SMURF1: variants seen among roughly 807,000 people sequenced by gnomAD.
The protein encoded by SMURF1 is E3 ubiquitin-protein ligase SMURF1.
A neutral mutation model predicts 98.0 loss-of-function variants in SMURF1; 44 were observed. That is an observed-to-expected ratio of 0.45 (90% CI 0.35 to 0.58). SMURF1 has a LOEUF of 0.58. Ranked by LOEUF, SMURF1 falls within the 20% of genes least tolerant of loss-of-function variation. SMURF1 has a pLI of 0.00. For missense variants in SMURF1, 687 were observed against 938.4 expected (o/e 0.73, Z 3.50); for synonymous variants, 396 against 374.9 (o/e 1.06, Z -0.65).
chr7:99,111,598 T>C (rs1388980359), intron 1 of SMURF1, among the ~76,000 whole-genome samples: 1 of 152,208 alleles, frequency 6.6e-6, no homozygotes. Flanking sequence ...GAATCAACTG[T>C]TTCAGAACAC....
intron 1 of SMURF1, among the ~76,000 whole-genome samples, chr7:99,072,283 G>A (rs1179786624): frequency 1.3e-5 from 2 of 152,076 alleles, no homozygotes; most frequent in South Asian, 2.1e-4. Flanking sequence ...TCAGCCTCCC[G>A]GAGTGCTGGA....
rs541939305 is a variant in SMURF1, at chr7:99,027,806, G to A, written c.*2778C>T. The A allele has an allele frequency of 2.6e-5, 4 of 152,600 alleles. No homozygotes were observed. The highest frequency in any genetic ancestry group is 9.6e-5 in the African/African-American group (4 of 41,592). The allele number at this position is 152,600 out of a possible 1,614,324, so 9.5% of individuals were successfully genotyped here. On this transcript the variant is annotated 3_prime_UTR_variant, in exon 18 of 18. Coordinates refer to ENST00000361368, the MANE Select transcript of SMURF1 (RefSeq NM_181349.3). ...TGGCACACACCTGGCTGCAGATGGC[G>A]GGTGGGGGGACATTTTCTCTGCAGA...
intron 15 of SMURF1, chr7:99,036,599 G>C (rs1795153015): frequency 6.2e-6 from 1 of 162,014 alleles, no homozygotes. Flanking sequence ...TACACGGCTT[G>C]AGCTATTTGG....
At chr7:99,064,263 A>T (rs1796136216) in intron 1 of SMURF1, among the ~76,000 whole-genome samples, 1 of 152,156 alleles carries the variant, frequency 6.6e-6, no homozygotes, top group Admixed American at 6.6e-5. Context: ...TTGGTATCAG[A>T]GTGATACTGG....
At chr7:99,063,244 TATA>T (rs1796086361) in intron 1 of SMURF1, among the ~76,000 whole-genome samples, 247 of 14,470 alleles carry the variant, frequency 0.017, 28 homozygotes, top group Non-Finnish European at 0.02. Flanking sequence ...GATTTATTTA[TATA>T]TATATATATA....
chr7:99,106,064 C>T (rs961669448), intron 1 of SMURF1, among the ~76,000 whole-genome samples: 1 of 152,244 alleles, frequency 6.6e-6, no homozygotes, highest in Non-Finnish European at 1.5e-5. Context: ...TGCCTCTCTC[C>T]ATACTTCTGT....
chr7:99,049,806 G>A (rs1795700586), intron 8 of SMURF1, 97 bp from the exon 9 acceptor site: 3 of 1,220,316 alleles, frequency 2.5e-6, no homozygotes, highest in African/African-American at 1.5e-5. Flanking sequence ...CCTTATCAAG[G>A]TGTCTGTGTC....
chr7:99,096,213 T>G (rs1028444834), intron 1 of SMURF1, among the ~76,000 whole-genome samples: 1 of 152,108 alleles, frequency 6.6e-6, no homozygotes, highest in Non-Finnish European at 1.5e-5. Flanking sequence ...GGCCACCTGG[T>G]AAAATACAGA....
intron 1 of SMURF1, among the ~76,000 whole-genome samples, chr7:99,118,426 T>C (rs1797511414): frequency 6.6e-6 from 1 of 152,242 alleles, no homozygotes; most frequent in African/African-American, 2.4e-5. Flanking sequence ...TAAAAGAATG[T>C]GGTCTATCCA....
At chr7:99,055,858 C>A (rs979014394) in intron 5 of SMURF1, among the ~76,000 whole-genome samples, 1 of 151,720 alleles carries the variant, frequency 6.6e-6, no homozygotes, top group Non-Finnish European at 1.5e-5. Flanking sequence ...TCCAGCTACT[C>A]AGGAGGCTGA....
chr7:99,046,354 G>C (rs1795573925), intron 10 of SMURF1, among the ~76,000 whole-genome samples: 1 of 152,200 alleles, frequency 6.6e-6, no homozygotes, highest in African/African-American at 2.4e-5. Flanking sequence ...TGAAGCAGAA[G>C]CCGCTACGTG....
chr7:99,094,970 A>G (rs1004605674), intron 1 of SMURF1, among the ~76,000 whole-genome samples: 1 of 152,226 alleles, frequency 6.6e-6, no homozygotes, highest in Admixed American at 6.5e-5. Context: ...CAGGAGGCCC[A>G]GGGCTCAGAG....
rs1795838501 is a variant in SMURF1 at position 99,054,707 on chromosome 7, A to G, written c.479+83T>C. ...TCTCAAGCATTCTGCAGAGTGACTT[A>G]AGGAGGGAAGGGCGCTTTCCTATAG... On this transcript the variant is annotated intron_variant, in intron 6 of 17. Transcript: ENST00000361368. The G allele has an allele frequency of 8.8e-6, 10 of 1,136,944 alleles. No individual in the cohort carries two copies. The East Asian group carries it at 2.1e-4, about 24-fold the overall frequency. The allele number at this position is 1,136,944 out of a possible 1,614,324, so 70.4% of individuals were successfully genotyped here. A position where few individuals can be genotyped will look rare whatever the true frequency, so the allele number is the denominator to read the frequency against.
At chr7:99,080,357 C>T (rs968043334) in intron 1 of SMURF1, among the ~76,000 whole-genome samples, 3 of 152,264 alleles carry the variant, frequency 2.0e-5, no homozygotes, top group East Asian at 1.9e-4. Context: ...TGGAGTGCAG[C>T]GGCGCGATCC....
At chr7:99,043,126 A>G (rs1259669276) in intron 11 of SMURF1, among the ~76,000 whole-genome samples, 1 of 152,218 alleles carries the variant, frequency 6.6e-6, no homozygotes, top group Non-Finnish European at 1.5e-5. Context: ...TTGTCTAGAC[A>G]GGAAGTGATT....
At chr7:99,082,231 G>A (rs555406664) in intron 1 of SMURF1, among the ~76,000 whole-genome samples, 24 of 152,296 alleles carry the variant, frequency 1.6e-4, no homozygotes, top group African/African-American at 5.3e-4. Flanking sequence ...CATGCTGTGA[G>A]TTTTCTTTTT....
intron 14 of SMURF1, among the ~76,000 whole-genome samples, chr7:99,037,534 C>T (rs1200727600): frequency 2.0e-5 from 3 of 152,162 alleles, no homozygotes; most frequent in Admixed American, 1.3e-4. Context: ...CCACTGCGCC[C>T]GACCTGTGAG....
chr7:99,132,699 GACACACAC>G (rs113194877), intron 1 of SMURF1, among the ~76,000 whole-genome samples: 4 of 147,292 alleles, frequency 2.7e-5, no homozygotes, highest in African/African-American at 7.5e-5. Flanking sequence ...CAGACACACG[GACACACAC>G]ACACACACAC....
At chr7:99,094,758 T>C (rs1004556425) in intron 1 of SMURF1, among the ~76,000 whole-genome samples, 2 of 152,196 alleles carry the variant, frequency 1.3e-5, no homozygotes, top group African/African-American at 4.8e-5. Context: ...ATTGCCAAAT[T>C]GTCAGAGCCC....
Sources: gnomAD v4.1 joint callset for allele counts (sites outside exome capture counted in the v4.1 genomes callset) on GRCh38, gnomAD v4.1.1 for gene constraint, MANE v1.5 for transcripts, NCBI Gene and HGNC (gene_info 2026-07-23, HGNC 2026-07-21) for gene names.